SGK1: variants seen among roughly 807,000 people sequenced by gnomAD.
SGK1 encodes the protein serum/glucocorticoid regulated kinase 1, also known as serine/threonine-protein kinase Sgk1.
SGK1 carries 26 observed loss-of-function variants against 64.2 expected under a neutral mutation model. That is an observed-to-expected ratio of 0.40 (90% confidence interval 0.30 to 0.56). The LOEUF (loss-of-function observed/expected upper bound fraction) is 0.56. Ranked by LOEUF, SGK1 falls within the 20% of genes least tolerant of loss-of-function variation. The pLI is 0.38. For missense variants in SGK1, 519 were observed against 645.6 expected, an observed-to-expected ratio of 0.80 and a Z score of 2.12; for synonymous variants, 265 against 239.7, an observed-to-expected ratio of 1.11 and a Z score of -0.98.
rs1461928708 is a variant in SGK1 at position 134,318,089 on chromosome 6, C to T, written c.-629G>A. 1 of 152,008 alleles carries T rather than the reference C, an allele frequency of 6.6e-6. No homozygotes were observed. Among genetic ancestry groups the T allele is most frequent in the Non-Finnish European group, 1.5e-5 (1 of 68,096 alleles). The allele number at this position is 152,008 out of a possible 1,614,324, so 9.4% of individuals were successfully genotyped here. On this transcript the variant is annotated 5_prime_UTR_variant, in exon 1 of 14. Coordinates refer to ENST00000367858, the MANE Select transcript of SGK1 (RefSeq NM_001143676.3). ...GCGGATGGAGAGAAGGCACAGCCGG[C>T]TCAGGGCACACTGAAGAGCAGTTGA... is the stretch of plus-strand genomic sequence containing the variant.
At chr6:134,191,615 G>T (rs376115796) in intron 3 of SGK1, among the ~76,000 whole-genome samples, 16 of 151,564 alleles carry the variant, frequency 1.1e-4, no homozygotes, top group East Asian at 7.8e-4. Flanking sequence ...TTTCTTGAAC[G>T]ATTATACTAA....
intron 3 of SGK1, chr6:134,175,571 T>C (rs1413610515): frequency 5.8e-6 from 9 of 1,564,518 alleles, no homozygotes; most frequent in Non-Finnish European, 7.8e-6. Flanking sequence ...AAGGACTCGC[T>C]CCTTTTCTGC....
At chr6:134,257,696 G>T (rs969645559) in intron 2 of SGK1, among the ~76,000 whole-genome samples, 1 of 152,144 alleles carries the variant, frequency 6.6e-6, no homozygotes, top group East Asian at 1.9e-4. Flanking sequence ...AGGTTTTGTG[G>T]CTTGCCTGAA....
intron 2 of SGK1, among the ~76,000 whole-genome samples, chr6:134,238,106 AT>A (rs1339138375): frequency 6.6e-6 from 1 of 152,190 alleles, no homozygotes; most frequent in Non-Finnish European, 1.5e-5. Flanking sequence ...CTGGGAAAAG[AT>A]TGACTTCCAG....
Position 134,261,919 on chromosome 6 carries a change from G to T in SGK1, c.285+14C>A. On this transcript the variant is annotated intron_variant, in intron 2 of 13. Coordinates refer to ENST00000367858, the MANE Select transcript of SGK1 (RefSeq NM_001143676.3). ...TTTTCCAGGAGAATAGATCCAGAGC[G>T]AACATGAACTTACTTCACACCCAGA... The T allele has an allele frequency of 6.3e-7, 1 of 1,581,814 alleles. No individual in the cohort carries two copies. The highest frequency in any genetic ancestry group is 8.7e-7 in the Non-Finnish European group (1 of 1,150,502).
At chr6:134,179,927 A>G (rs1242590470) in intron 3 of SGK1, among the ~76,000 whole-genome samples, 2 of 152,096 alleles carry the variant, frequency 1.3e-5, no homozygotes, top group African/African-American at 4.8e-5. Context: ...AATACTTGAC[A>G]TGGGAGGAAT....
At chr6:134,215,608 C>T (rs758147158) in intron 2 of SGK1, among the ~76,000 whole-genome samples, 4 of 151,760 alleles carry the variant, frequency 2.6e-5, no homozygotes, top group African/African-American at 4.8e-5. Context: ...CACATGCGCG[C>T]GGTGGCTCAT....
intron 1 of SGK1, among the ~76,000 whole-genome samples, chr6:134,293,845 C>T (rs1174595529): frequency 6.6e-6 from 1 of 152,122 alleles, no homozygotes; most frequent in Non-Finnish European, 1.5e-5. Flanking sequence ...AAAATGCAGA[C>T]AAATGGAAAG....
At chr6:134,210,591 C>G (rs147735456) in intron 2 of SGK1, among the ~76,000 whole-genome samples, 1 of 151,560 alleles carries the variant, frequency 6.6e-6, no homozygotes, top group African/African-American at 2.4e-5. Flanking sequence ...TTTGGGAGGC[C>G]GAGGCGGGTG....
chr6:134,310,563 T>TA (rs1445598941), intron 1 of SGK1, among the ~76,000 whole-genome samples: 2 of 152,206 alleles, frequency 1.3e-5, no homozygotes, highest in African/African-American at 2.4e-5. Context: ...GGAGGATACA[T>TA]AATGCAGATA....
intron 3 of SGK1, chr6:134,174,906 G>T (rs1775172630): frequency 6.4e-7 from 1 of 1,569,234 alleles, no homozygotes; most frequent in African/African-American, 1.4e-5. Flanking sequence ...AGGCACCGCC[G>T]CGGGGGCGGG....
intron 3 of SGK1, among the ~76,000 whole-genome samples, chr6:134,191,589 ATTAT>A: frequency 1.3e-5 from 2 of 152,280 alleles, no homozygotes; most frequent in South Asian, 4.1e-4. Flanking sequence ...AAGTCCACCT[ATTAT>A]AATAGCTGAC....
chr6:134,287,314 A>G (rs1582765052), intron 1 of SGK1, among the ~76,000 whole-genome samples: 1 of 152,108 alleles, frequency 6.6e-6, no homozygotes. Flanking sequence ...TTGTAAAATT[A>G]TGTTGGCAAG....
Position 134,314,240 on chromosome 6 carries a change from C to T in SGK1, c.69+3152G>A, listed in dbSNP as rs138865222. Among the ~76,000 whole-genome samples the T allele has an allele frequency of 4.0e-3, 612 of 152,076 alleles. 6 individuals are homozygous for T. The highest frequency in any genetic ancestry group is 4.5e-3 in the Non-Finnish European group (303 of 68,006). ...TTATGTTCCTAGAATCTGGGTTCCC[C>T]AGGGCAGCCTCTCATTACTGTCAGT... is the stretch of plus-strand genomic sequence containing the variant. On this transcript the variant is annotated intron_variant, in intron 1 of 13. Transcript: ENST00000367858.
chr6:134,176,113 G>T, intron 3 of SGK1: 1 of 438,848 alleles, frequency 2.3e-6, no homozygotes, highest in Non-Finnish European at 3.0e-6. Context: ...AACAAGCGAA[G>T]GGAGGGGTAG....
At chr6:134,262,506 C>A (rs1451438018) in intron 1 of SGK1, among the ~76,000 whole-genome samples, 2 of 10,500 alleles carry the variant, frequency 1.9e-4, no homozygotes, top group Non-Finnish European at 3.6e-4. Context: ...GTTAAAAGAT[C>A]CTCCTGGACC....
chr6:134,248,284 A>G (rs1776555055), intron 2 of SGK1, among the ~76,000 whole-genome samples: 1 of 152,058 alleles, frequency 6.6e-6, no homozygotes, highest in Non-Finnish European at 1.5e-5. Flanking sequence ...CAAATTAGGC[A>G]AGGGAGTACA....
chr6:134,189,919 A>G (rs143584709), intron 3 of SGK1, among the ~76,000 whole-genome samples: 66 of 152,164 alleles, frequency 4.3e-4, no homozygotes, highest in African/African-American at 1.5e-3. Flanking sequence ...GCACCATCTC[A>G]GCTCACTGCA....
rs145616606 is a variant in SGK1 at position 134,289,732 on chromosome 6, T to A, written c.70-27584A>T. Among the ~76,000 whole-genome samples, 646 of 152,154 alleles carry A rather than the reference T, an allele frequency of 4.2e-3. 8 individuals carry two copies. Among genetic ancestry groups the A allele is most frequent in the African/African-American group, 0.015 (616 of 41,506 alleles). On this transcript the variant is annotated intron_variant, in intron 1 of 13. Coordinates refer to ENST00000367858, the MANE Select transcript of SGK1 (RefSeq NM_001143676.3). Reference sequence around the variant, plus strand: ...CTGGTGGCTACCACATCAGACCCTATAGGTCTCATATGTAGCAGAGAAAAA... The same window carrying A: ...CTGGTGGCTACCACATCAGACCCTAAAGGTCTCATATGTAGCAGAGAAAAA...
Sources: allele counts gnomAD v4.1 joint callset (sites outside exome capture counted in the v4.1 genomes callset), GRCh38; gene constraint gnomAD v4.1.1; transcripts MANE v1.5; gene names NCBI Gene and HGNC (gene_info 2026-07-23, HGNC 2026-07-21).